BTG4: variants seen among roughly 807,000 people sequenced by gnomAD.
The protein encoded by BTG4 is protein BTG4.
BTG4 carries 10 observed loss-of-function variants against 19.3 expected under a neutral mutation model. The observed-to-expected ratio is 0.52, with a 90% confidence interval of 0.32 to 0.88. The LOEUF is 0.88. BTG4 is among the 40% of genes least tolerant of loss of function. The probability of loss-of-function intolerance (pLI) is 0.04; values close to 1 mark genes in which losing one functional copy is unlikely to be tolerated. For missense variants in BTG4, 238 were observed against 281.9 expected (o/e 0.84, Z 1.11); for synonymous variants, 91 against 95.7 (o/e 0.95, Z 0.29).
the BTG4 span, chr11:111,396,897 G>C: frequency 6.6e-6 from 1 of 152,188 alleles, no homozygotes; most frequent in Non-Finnish European, 1.5e-5. Context: ...GCCCAGGAGT[G>C]TTTCATACTG....
chr11:111,444,323 A>G, the BTG4 span, among the ~76,000 whole-genome samples: 3 of 151,640 alleles, frequency 2.0e-5, no homozygotes, highest in Admixed American at 2.0e-4. Context: ...GAGAGAAGAC[A>G]TAGGAGAGAA....
the BTG4 span, among the ~76,000 whole-genome samples, chr11:111,408,500 C>G: frequency 6.6e-6 from 1 of 152,192 alleles, no homozygotes; most frequent in Non-Finnish European, 1.5e-5. Context: ...AGCAGCCATC[C>G]CTGACATCAG....
At chr11:111,447,804 C>T in the BTG4 span, among the ~76,000 whole-genome samples, 1 of 152,194 alleles carries the variant, frequency 6.6e-6, no homozygotes, top group African/African-American at 2.4e-5. Context: ...GTGAGTGCAT[C>T]CCGGAGCTCC....
chr11:111,483,657 C>G (rs1365194835), intron 5 of BTG4, among the ~76,000 whole-genome samples: 1 of 152,048 alleles, frequency 6.6e-6, no homozygotes, highest in Admixed American at 6.6e-5. Context: ...GAGTTTGAGT[C>G]AGGCTACATG....
Position 111,485,212 on chromosome 11 carries a change from A to G in BTG4, c.662+9951T>C, listed in dbSNP as rs559425881. 8.5e-5 allele frequency among the ~76,000 whole-genome samples: 13 copies of G among 152,216 alleles called. No individual in the cohort carries two copies. In the South Asian group the frequency reaches 2.7e-3, roughly 32 times the overall value. On this transcript the variant is annotated intron_variant, in intron 5 of 5. Transcript: ENST00000356018. ...ATTGGACAGATGACCCCAATAGAAA[A>G]TCAAAGAAACACTGGACTTAATCTG...
chr11:111,388,048 C>A, the BTG4 span, among the ~76,000 whole-genome samples: 3 of 152,116 alleles, frequency 2.0e-5, no homozygotes, highest in African/African-American at 7.2e-5. Flanking sequence ...TTATTGAGCA[C>A]AAACTTTGTG....
chr11:111,447,011 T>C, the BTG4 span, among the ~76,000 whole-genome samples: 1 of 152,212 alleles, frequency 6.6e-6, no homozygotes, highest in African/African-American at 2.4e-5. Context: ...TTAGTCCTAA[T>C]TACTGCGTGG....
chr11:111,505,605 C>T (rs565805222), intron 1 of BTG4, among the ~76,000 whole-genome samples: 5 of 151,848 alleles, frequency 3.3e-5, no homozygotes, highest in South Asian at 4.1e-4. Flanking sequence ...CAAACACAAA[C>T]GCAATAAAAA....
At chr11:111,459,594 T>C in the BTG4 span, 1 of 152,754 alleles carries the variant, frequency 6.5e-6, no homozygotes, top group South Asian at 2.1e-4. Context: ...CAACTCCTCC[T>C]CTTCACTCCC....
the BTG4 span, chr11:111,454,244 T>C: frequency 4.4e-6 from 2 of 455,368 alleles, no homozygotes; most frequent in Admixed American, 4.7e-5. Flanking sequence ...AGGTGGGAGC[T>C]GGGAGGCTGA....
chr11:111,421,120 G>A, the BTG4 span, among the ~76,000 whole-genome samples: 1 of 152,240 alleles, frequency 6.6e-6, no homozygotes, highest in East Asian at 1.9e-4. Context: ...GGTCCCAAGT[G>A]GCTGGAGTCC....
At chr11:111,448,568 G>C in the BTG4 span, 2 of 152,838 alleles carry the variant, frequency 1.3e-5, no homozygotes, top group Non-Finnish European at 2.9e-5. Flanking sequence ...TCAACCCCTG[G>C]CCCGGCCAGG....
At chr11:111,498,886 A>C in intron 1 of BTG4, 84 bp from the exon 2 acceptor site, 1 of 950,646 alleles carries the variant, frequency 1.1e-6, no homozygotes, top group East Asian at 2.7e-5. Flanking sequence ...TGGAAATTTT[A>C]CATACCTTAA....
chr11:111,412,002 C>T, the BTG4 span, among the ~76,000 whole-genome samples: 1 of 152,106 alleles, frequency 6.6e-6, no homozygotes, highest in Non-Finnish European at 1.5e-5. Context: ...CTGAAGCAGA[C>T]AGAAATATGA....
chr11:111,387,908 G>A, the BTG4 span, among the ~76,000 whole-genome samples: 1 of 151,790 alleles, frequency 6.6e-6, no homozygotes, highest in Non-Finnish European at 1.5e-5. Context: ...CCATTACTGA[G>A]CACCACACAC....
chr11:111,391,490 A>C, the BTG4 span, among the ~76,000 whole-genome samples: 7 of 152,180 alleles, frequency 4.6e-5, no homozygotes, highest in Non-Finnish European at 1.0e-4. Context: ...GGTTACGCAG[A>C]ACCTAGAACC....
intron 5 of BTG4, among the ~76,000 whole-genome samples, chr11:111,487,733 T>C (rs1410256518): frequency 2.0e-5 from 3 of 152,268 alleles, no homozygotes; most frequent in African/African-American, 2.4e-5. Flanking sequence ...ACCAAAAATC[T>C]ATTGAAACTG....
the BTG4 span, among the ~76,000 whole-genome samples, chr11:111,438,386 G>C: frequency 6.6e-6 from 1 of 152,202 alleles, no homozygotes; most frequent in Non-Finnish European, 1.5e-5. Flanking sequence ...CTTCTCAACA[G>C]GAATTCCTTG....
chr11:111,442,274 G>A, the BTG4 span, among the ~76,000 whole-genome samples: 1 of 151,268 alleles, frequency 6.6e-6, no homozygotes, highest in Non-Finnish European at 1.5e-5. Context: ...GTCGAGGCAG[G>A]TGGATCACTT....
Sources: allele counts gnomAD v4.1 joint callset (sites outside exome capture counted in the v4.1 genomes callset), GRCh38; gene constraint gnomAD v4.1.1; transcripts MANE v1.5; gene names NCBI Gene and HGNC (gene_info 2026-07-23, HGNC 2026-07-21).